The following PTPRK variants were observed in gnomAD, a reference collection of about 807,000 sequenced individuals.
PTPRK encodes the protein receptor-type tyrosine-protein phosphatase kappa.
PTPRK carries 75 observed loss-of-function variants against 178.0 expected under a neutral mutation model. The ratio of observed to expected loss-of-function variants is 0.42; its 90% CI spans 0.35 to 0.51. The LOEUF is 0.51. PTPRK is among the 20% of genes least tolerant of loss of function. The pLI, the probability that PTPRK is intolerant of heterozygous loss-of-function variation, is 0.02. For missense variants in PTPRK, 1,441 were observed against 1,797.8 expected, an observed-to-expected ratio of 0.80 and a Z score of 3.59; for synonymous variants, 637 against 620.6, an observed-to-expected ratio of 1.03 and a Z score of -0.39.
chr6:128,194,124 T>C (rs1033021303), intron 6 of PTPRK, among the ~76,000 whole-genome samples: 1 of 149,936 alleles, frequency 6.7e-6, no homozygotes, highest in Non-Finnish European at 1.5e-5. Flanking sequence ...CTTGCTCTGT[T>C]GCCCAGGCTA....
chr6:128,402,471 C>T (rs1841153023), intron 1 of PTPRK, among the ~76,000 whole-genome samples: 1 of 152,116 alleles, frequency 6.6e-6, no homozygotes, highest in African/African-American at 2.4e-5. Context: ...CCAGGATGGT[C>T]TCAATCTCTT....
At chr6:128,172,745 T>A (rs1321624974) in intron 7 of PTPRK, among the ~76,000 whole-genome samples, 3 of 151,830 alleles carry the variant, frequency 2.0e-5, no homozygotes, top group Admixed American at 2.0e-4. Context: ...TATACACACG[T>A]ACATATAAGT....
intron 5 of PTPRK, among the ~76,000 whole-genome samples, chr6:128,236,598 C>T (rs563064038): frequency 3.4e-4 from 51 of 152,142 alleles, no homozygotes; most frequent in African/African-American, 1.1e-3. Context: ...CCACCCACCT[C>T]GGCGTCCCAA....
chr6:128,325,176 T>C (rs1429828093), intron 2 of PTPRK, among the ~76,000 whole-genome samples: 1 of 152,168 alleles, frequency 6.6e-6, no homozygotes, highest in African/African-American at 2.4e-5. Flanking sequence ...TTCTCAAATA[T>C]ATCATTCAAC....
chr6:128,361,089 C>A (rs1255829037), intron 2 of PTPRK, among the ~76,000 whole-genome samples: 1 of 152,102 alleles, frequency 6.6e-6, no homozygotes, highest in Non-Finnish European at 1.5e-5. Context: ...GACTAGCTTT[C>A]CAACCATTTA....
chr6:128,210,372 A>C (rs1807895262), intron 6 of PTPRK, among the ~76,000 whole-genome samples: 1 of 150,300 alleles, frequency 6.7e-6, no homozygotes, highest in Admixed American at 6.6e-5. Context: ...CCGGAGGAAA[A>C]AAAAAAAACA....
chr6:128,519,766 A>G lies in PTPRK; in HGVS notation c.100+493T>C, dbSNP rs1388406263. ...CCGGGAGGGACGGGGAAGTAGTTAGACAATAGTCAGGGGAGGTTATTCCCG... is the reference window on the plus strand; with the variant it reads ...CCGGGAGGGACGGGGAAGTAGTTAGGCAATAGTCAGGGGAGGTTATTCCCG... On this transcript the variant is annotated intron_variant, in intron 1 of 29. Coordinates refer to ENST00000368226, the MANE Select transcript of PTPRK (RefSeq NM_002844.4). The surrounding 1 kb of genome is among the most constrained non-coding windows in gnomAD (Gnocchi z 4.3). 6.6e-6 allele frequency among the ~76,000 whole-genome samples: 1 copy of G among 152,224 alleles called. No individual in the cohort carries two copies. Among genetic ancestry groups the G allele is most frequent in the Admixed American group, 6.5e-5 (1 of 15,286 alleles).
At chr6:128,360,357 GTTC>G (rs1188716271) in intron 2 of PTPRK, among the ~76,000 whole-genome samples, 1 of 151,932 alleles carries the variant, frequency 6.6e-6, no homozygotes, top group Non-Finnish European at 1.5e-5. Flanking sequence ...AGACACTAAT[GTTC>G]TTAAAATCAT....
chr6:128,066,653 T>C (rs574183063), intron 12 of PTPRK, among the ~76,000 whole-genome samples: 175 of 152,162 alleles, frequency 1.2e-3, no homozygotes, highest in African/African-American at 4.0e-3. Flanking sequence ...TTTTAAATTG[T>C]GAAAATTTCT....
At chr6:128,044,437 C>T (rs1018687738) in intron 13 of PTPRK, among the ~76,000 whole-genome samples, 1 of 151,918 alleles carries the variant, frequency 6.6e-6, no homozygotes, top group Non-Finnish European at 1.5e-5. Flanking sequence ...CAGAGTGATC[C>T]TTAAAAGCAC....
intron 7 of PTPRK, among the ~76,000 whole-genome samples, chr6:128,119,467 G>A (rs1386374541): frequency 1.3e-5 from 2 of 151,948 alleles, no homozygotes; most frequent in African/African-American, 4.8e-5. Flanking sequence ...TTCTTTAGGT[G>A]TAATGAAAAA....
chr6:128,227,981 T>A lies in PTPRK; in HGVS notation c.694-8885A>T, dbSNP rs554620765. The stretch of plus-strand genomic sequence containing the variant: ...TGGGGCCTGTCAGGGGATAGGGGGC[T>A]AGGGGAGAGAGAACATTAGGAGAAA... On this transcript the variant is annotated intron_variant, in intron 5 of 29. Transcript: ENST00000368226. 2.8e-4 allele frequency among the ~76,000 whole-genome samples: 42 copies of A among 151,814 alleles called. 1 individual carries two copies. In the South Asian group the frequency reaches 7.5e-3, roughly 27 times the overall value.
intron 1 of PTPRK, among the ~76,000 whole-genome samples, chr6:128,402,148 A>G (rs1841105348): frequency 6.6e-6 from 1 of 152,236 alleles, no homozygotes. Flanking sequence ...AAGAATGAAA[A>G]TTACTAAATA....
intron 1 of PTPRK, among the ~76,000 whole-genome samples, chr6:128,435,126 A>AAGGCAGGC (rs775750807): frequency 6.3e-5 from 5 of 79,488 alleles, no homozygotes; most frequent in East Asian, 3.6e-4. Context: ...GGCAGGCAGG[A>AAGGCAGGC]AGGCAGGCAG....
intron 6 of PTPRK, among the ~76,000 whole-genome samples, chr6:128,215,401 G>C (rs968188232): frequency 1.3e-5 from 2 of 152,118 alleles, no homozygotes; most frequent in African/African-American, 4.8e-5. Flanking sequence ...ACTTCGACTT[G>C]TATTTCAAAT....
chr6:128,043,696 A>G (rs181220909), intron 13 of PTPRK, among the ~76,000 whole-genome samples: 1 of 151,896 alleles, frequency 6.6e-6, no homozygotes, highest in African/African-American at 2.4e-5. Flanking sequence ...TTAATGTACT[A>G]TTTGTTTGCA....
Position 128,219,059 on chromosome 6 carries a change from T to A in PTPRK, c.731A>T (p.Lys244Met). Residue 244 changes from lysine to methionine, a missense_variant, in exon 6 of 30, where the codon AAG becomes ATG. Transcript: ENST00000368226. ...GGCAAACCTTCTATGATTGATGTTCTTAGTCTGGGCTACTGGTATATCTTC... is the reference window on the plus strand; with the variant it reads ...GGCAAACCTTCTATGATTGATGTTCATAGTCTGGGCTACTGGTATATCTTC... ...NGEDIPVAQT[K>M]NINHRRFAAS... The A allele has an allele frequency of 6.2e-7, 1 of 1,614,028 alleles. No homozygotes were observed. Among genetic ancestry groups the A allele is most frequent in the Non-Finnish European group, 8.5e-7 (1 of 1,179,924 alleles).
chr6:128,203,877 C>T (rs367931888), intron 6 of PTPRK, among the ~76,000 whole-genome samples: 3 of 152,198 alleles, frequency 2.0e-5, no homozygotes, highest in African/African-American at 7.2e-5. Flanking sequence ...CAATAGCATT[C>T]CCATTAGACT....
intron 10 of PTPRK, among the ~76,000 whole-genome samples, chr6:128,080,204 G>C (rs1784567326): frequency 1.3e-5 from 2 of 151,954 alleles, no homozygotes; most frequent in African/African-American, 2.4e-5. Context: ...ATATGAAAGG[G>C]CATGGTACGT....
Sources: allele counts gnomAD v4.1 joint callset (sites outside exome capture counted in the v4.1 genomes callset), GRCh38; gene constraint gnomAD v4.1.1; non-coding constraint Gnocchi (gnomAD v3.1); transcripts MANE v1.5; gene names NCBI Gene and HGNC (gene_info 2026-07-23, HGNC 2026-07-21).